Variants in RBFOX3 observed in about 807,000 individuals in gnomAD.
RBFOX3 encodes RNA binding protein fox-1 homolog 3.
A neutral mutation model predicts 48.7 loss-of-function variants in RBFOX3; 17 were observed. The ratio of observed to expected loss-of-function variants is 0.35; its 90% CI spans 0.24 to 0.52. RBFOX3 has a LOEUF of 0.52. Ranked by LOEUF, RBFOX3 falls within the 20% of genes least tolerant of loss-of-function variation. RBFOX3 has a pLI of 0.94. For synonymous variants in RBFOX3, 212 were observed against 209.5 expected, an observed-to-expected ratio of 1.01 and a Z score of -0.10; for missense variants, 382 against 497.5, an observed-to-expected ratio of 0.77 and a Z score of 2.21.
chr17:79,246,153 T>A (rs2063145389), intron 3 of RBFOX3, among the ~76,000 whole-genome samples: 1 of 152,210 alleles, frequency 6.6e-6, no homozygotes, highest in Admixed American at 6.5e-5. Flanking sequence ...TTTATGTGGC[T>A]ATGGCAATGG....
intron 2 of RBFOX3, among the ~76,000 whole-genome samples, chr17:79,324,549 G>A (rs1406035766): frequency 1.3e-5 from 2 of 152,196 alleles, no homozygotes; most frequent in Non-Finnish European, 2.9e-5. Context: ...CCCCTCTGGT[G>A]GGCAGACAAG....
At chr17:79,567,137 C>T (rs1272108038) in intron 1 of RBFOX3, among the ~76,000 whole-genome samples, 4 of 151,260 alleles carry the variant, frequency 2.6e-5, no homozygotes, top group East Asian at 3.9e-4. Context: ...TGAGTTCCCA[C>T]GTATGAGTGA....
intron 2 of RBFOX3, among the ~76,000 whole-genome samples, chr17:79,368,523 C>T (rs1425227058): frequency 6.6e-6 from 1 of 152,266 alleles, no homozygotes; most frequent in Non-Finnish European, 1.5e-5. Flanking sequence ...TTCCCCGCAC[C>T]TGCTGCCTTG....
intron 4 of RBFOX3, among the ~76,000 whole-genome samples, chr17:79,148,151 A>G (rs1437296478): frequency 6.6e-6 from 1 of 152,122 alleles, no homozygotes; most frequent in African/African-American, 2.4e-5. Context: ...TAGCCTCTCT[A>G]GGTTTTGGGA....
the RBFOX3 span, among the ~76,000 whole-genome samples, chr17:79,663,169 G>A: frequency 1.1e-4 from 17 of 152,220 alleles, no homozygotes; most frequent in Non-Finnish European, 2.5e-4. Flanking sequence ...AGGAAGGGGA[G>A]ATGGTGAAAG....
At chr17:79,380,509 CT>C (rs151335677) in intron 2 of RBFOX3, among the ~76,000 whole-genome samples, 7,205 of 152,184 alleles carry the variant, frequency 0.047, 226 homozygotes, top group East Asian at 0.11. Context: ...CCCCTGGGGT[CT>C]GCCCAGAGCC....
At chr17:79,645,853 C>T in the RBFOX3 span, among the ~76,000 whole-genome samples, 1 of 152,170 alleles carries the variant, frequency 6.6e-6, no homozygotes, top group South Asian at 2.1e-4. Flanking sequence ...AACCTTGAGA[C>T]ACCCCCATGG....
At chr17:79,176,458 GC>G (rs1377428958) in intron 4 of RBFOX3, among the ~76,000 whole-genome samples, 1 of 152,206 alleles carries the variant, frequency 6.6e-6, no homozygotes, top group African/African-American at 2.4e-5. Context: ...CCAGGCCCAA[GC>G]CCCCCAGCCC....
chr17:79,570,993 A>C (rs1226107045), intron 1 of RBFOX3, among the ~76,000 whole-genome samples: 1 of 152,228 alleles, frequency 6.6e-6, no homozygotes, highest in Non-Finnish European at 1.5e-5. Flanking sequence ...TTTTTATAAA[A>C]TAGAGTGGCA....
chr17:79,497,994 T>C (rs769006520), intron 1 of RBFOX3, among the ~76,000 whole-genome samples: 103 of 152,292 alleles, frequency 6.8e-4, no homozygotes, highest in Non-Finnish European at 7.1e-4. Context: ...CAGAAGGTTA[T>C]GGTGGGAACA....
chr17:79,309,827 T>C (rs918059124), intron 2 of RBFOX3, among the ~76,000 whole-genome samples: 1 of 152,172 alleles, frequency 6.6e-6, no homozygotes, highest in Admixed American at 6.5e-5. Flanking sequence ...CCCGCCACCA[T>C]GTAAGACGCA....
intron 3 of RBFOX3, among the ~76,000 whole-genome samples, chr17:79,285,744 T>C (rs2071715772): frequency 6.6e-6 from 1 of 152,170 alleles, no homozygotes; most frequent in African/African-American, 2.4e-5. Context: ...AGTGCAATGG[T>C]GCGATCTCAG....
At position 79,423,726 on chromosome 17, in the gene RBFOX3, G is replaced by A. The variant is rs1395699028; in HGVS notation, c.-175+58728C>T. 6.5e-6 allele frequency: 1 copy of A among 153,624 alleles called. No homozygotes were observed. The highest frequency in any genetic ancestry group is 2.4e-5 in the African/African-American group (1 of 41,392). The allele number at this position is 153,624 out of a possible 1,614,324, so 9.5% of individuals were successfully genotyped here. ...ACATACTTGTTCAAGGAACGGACAAGGAACAAGCCCAGTGGAGTCGCTGCT... is the reference window on the plus strand; with the variant it reads ...ACATACTTGTTCAAGGAACGGACAAAGAACAAGCCCAGTGGAGTCGCTGCT... On this transcript the variant is annotated intron_variant, in intron 2 of 14. Transcript: ENST00000693108. This position sits in a 1 kb window ranked among gnomAD's most constrained non-coding sequence, Gnocchi z 4.9.
In RBFOX3 at chr17:79,252,381, C is replaced by G. The variant is rs2148292736; in HGVS notation, c.-73-16576G>C. 1.3e-5 allele frequency among the ~76,000 whole-genome samples: 2 copies of G among 152,292 alleles called. No homozygotes were observed. The highest frequency in any genetic ancestry group is 4.1e-4 in the South Asian group (2 of 4,830). ...AGAAACCTGGTCCTAGCTCAGTGGT[C>G]CCTATTTCAGTGAATGGATCTATCA... On this transcript the variant is annotated intron_variant, in intron 3 of 14. Coordinates refer to ENST00000693108, the MANE Select transcript of RBFOX3 (RefSeq NM_001350451.2). This position sits in a 1 kb window ranked among gnomAD's most constrained non-coding sequence, Gnocchi z 4.0.
chr17:79,288,713 C>T (rs555360719), intron 3 of RBFOX3, among the ~76,000 whole-genome samples: 1 of 152,258 alleles, frequency 6.6e-6, no homozygotes, highest in African/African-American at 2.4e-5. Context: ...TCTTCTCACC[C>T]CACAGCGACA....
chr17:79,487,693 C>T (rs1351967867), intron 1 of RBFOX3, among the ~76,000 whole-genome samples: 5 of 151,928 alleles, frequency 3.3e-5, no homozygotes, highest in Admixed American at 3.3e-4. Context: ...GGGTGGATCA[C>T]GAGGTCAGGA....
rs1179032396 is a variant in RBFOX3 at position 79,242,262 on chromosome 17, G to A, written c.-73-6457C>T. On this transcript the variant is annotated intron_variant, in intron 3 of 14. Coordinates refer to ENST00000693108, the MANE Select transcript of RBFOX3 (RefSeq NM_001350451.2). This position sits in a 1 kb window ranked among gnomAD's most constrained non-coding sequence, Gnocchi z 5.8. ...GGGGCAGGCCGTATGGAGGGTCCTC[G>A]AGGCAGCTTTGAGAAACTCCCAGTG... 2.6e-5 allele frequency among the ~76,000 whole-genome samples: 4 copies of A among 152,108 alleles called. No individual in the cohort carries two copies. Among genetic ancestry groups the A allele is most frequent in the Admixed American group, 2.0e-4 (3 of 15,274 alleles).
At chr17:79,255,517 T>C (rs1017465785) in intron 3 of RBFOX3, among the ~76,000 whole-genome samples, 1 of 152,128 alleles carries the variant, frequency 6.6e-6, no homozygotes, top group African/African-American at 2.4e-5. Flanking sequence ...GTGTCCACCC[T>C]TGAATTGTCC....
the RBFOX3 span, among the ~76,000 whole-genome samples, chr17:79,639,183 A>T: frequency 1.3e-5 from 2 of 150,618 alleles, no homozygotes; most frequent in Non-Finnish European, 3.0e-5. Flanking sequence ...TTTATTGTTT[A>T]TTTTTTTTTG....
Sources: gnomAD v4.1 joint callset for allele counts (sites outside exome capture counted in the v4.1 genomes callset) on GRCh38, gnomAD v4.1.1 for gene constraint, Gnocchi (gnomAD v3.1) non-coding constraint, MANE v1.5 for transcripts, NCBI Gene and HGNC (gene_info 2026-07-23, HGNC 2026-07-21) for gene names.